The following SLC2A13 variants were observed in gnomAD, a reference collection of about 807,000 sequenced individuals.
SLC2A13 encodes proton myo-inositol cotransporter.
SLC2A13 carries 32 observed loss-of-function variants against 64.4 expected under a neutral mutation model. The observed-to-expected ratio is 0.50, with a 90% CI of 0.37 to 0.67. The LOEUF is 0.67. Ranked by LOEUF, SLC2A13 falls within the 30% of genes least tolerant of loss-of-function variation. SLC2A13 has a pLI of 0.00. For missense variants in SLC2A13, 743 were observed against 829.2 expected (o/e 0.90, Z 1.28); for synonymous variants, 338 against 327.1 (o/e 1.03, Z -0.36).
chr12:39,896,593 CATAT>C (rs1565529040), intron 4 of SLC2A13, among the ~76,000 whole-genome samples: 2 of 150,214 alleles, frequency 1.3e-5, no homozygotes, highest in Non-Finnish European at 3.0e-5. Flanking sequence ...TATATGTATA[CATAT>C]ATGTATGTAT....
chr12:40,057,517 T>A (rs1948350598), intron 1 of SLC2A13, among the ~76,000 whole-genome samples: 1 of 152,202 alleles, frequency 6.6e-6, no homozygotes, highest in African/African-American at 2.4e-5. Context: ...CTCGAGTGTT[T>A]TATTTAATAT....
intron 6 of SLC2A13, among the ~76,000 whole-genome samples, chr12:39,838,953 T>G (rs554850978): frequency 9.9e-5 from 15 of 152,224 alleles, no homozygotes; most frequent in Admixed American, 2.6e-4. Context: ...AGAAAATCAA[T>G]GGTGGCAAAC....
Position 39,934,328 on chromosome 12 carries a change from T to A in SLC2A13, c.1034+16929A>T, listed in dbSNP as rs571871808. ...CCAGCCCAGAACAGGACATATATGG[T>A]GAAAGTTCTAAGTAGAATGCTAATC... is the stretch of plus-strand genomic sequence containing the variant. On this transcript the variant is annotated intron_variant, in intron 4 of 9. Coordinates refer to ENST00000280871, the MANE Select transcript of SLC2A13 (RefSeq NM_052885.4). Among the ~76,000 whole-genome samples, 11 of 152,266 alleles carry A rather than the reference T, an allele frequency of 7.2e-5. No individual in the cohort carries two copies. The East Asian group carries it at 2.1e-3, about 29-fold the overall frequency.
At chr12:39,847,748 G>T (rs1260165534) in intron 6 of SLC2A13, among the ~76,000 whole-genome samples, 1 of 151,888 alleles carries the variant, frequency 6.6e-6, no homozygotes, top group Admixed American at 6.6e-5. Context: ...GTTATTTTGG[G>T]TTCTTCTGTA....
intron 7 of SLC2A13, among the ~76,000 whole-genome samples, chr12:39,799,601 C>T (rs867736406): frequency 6.6e-6 from 1 of 151,966 alleles, no homozygotes; most frequent in African/African-American, 2.4e-5. Context: ...AAATGCAAAC[C>T]AGGGGTTAGC....
At chr12:39,916,131 A>C (rs529454257) in intron 4 of SLC2A13, among the ~76,000 whole-genome samples, 23 of 152,020 alleles carry the variant, frequency 1.5e-4, no homozygotes, top group Admixed American at 3.9e-4. Flanking sequence ...CAAATTGCTA[A>C]GGTGATTATA....
chr12:40,000,077 G>C (rs192358448), intron 3 of SLC2A13, among the ~76,000 whole-genome samples: 96 of 152,208 alleles, frequency 6.3e-4, no homozygotes, highest in Middle Eastern at 3.4e-3. Context: ...GAGATCTGAC[G>C]GTTTTAAAAA....
chr12:39,891,475 T>C (rs1245913723), intron 4 of SLC2A13, among the ~76,000 whole-genome samples: 1 of 152,170 alleles, frequency 6.6e-6, no homozygotes, highest in African/African-American at 2.4e-5. Context: ...GTGATTTATC[T>C]TAAGAAAGCA....
chr12:39,834,948 T>A (rs1258867657), intron 6 of SLC2A13, among the ~76,000 whole-genome samples: 1 of 152,122 alleles, frequency 6.6e-6, no homozygotes, highest in African/African-American at 2.4e-5. Context: ...ATGGCATTTT[T>A]AAAAAGGAAC....
chr12:39,857,456 C>A (rs527430843), intron 6 of SLC2A13, among the ~76,000 whole-genome samples: 14 of 152,178 alleles, frequency 9.2e-5, no homozygotes, highest in Non-Finnish European at 1.8e-4. Context: ...AATCACCCAG[C>A]CTTGCCATTC....
chr12:39,763,157 G>A (rs1166720833), intron 9 of SLC2A13, among the ~76,000 whole-genome samples: 5 of 151,866 alleles, frequency 3.3e-5, no homozygotes, highest in Admixed American at 6.6e-5. Flanking sequence ...TGAATTTATC[G>A]AAAAATTTTA....
chr12:39,786,234 G>C (rs939911706), intron 7 of SLC2A13, among the ~76,000 whole-genome samples: 1 of 152,066 alleles, frequency 6.6e-6, no homozygotes, highest in Non-Finnish European at 1.5e-5. Flanking sequence ...TTGAATCATG[G>C]GGGCTGGTCT....
At chr12:40,009,160 G>A (rs515205) in intron 3 of SLC2A13, among the ~76,000 whole-genome samples, 110,440 of 152,102 alleles carry the variant, frequency 0.73, 40,402 homozygotes, top group East Asian at 0.84. Flanking sequence ...GGCCAGCAGT[G>A]GAGCAGAGAG....
At chr12:40,092,759 G>A (rs1232187041) in intron 1 of SLC2A13, among the ~76,000 whole-genome samples, 1 of 152,170 alleles carries the variant, frequency 6.6e-6, no homozygotes, top group East Asian at 1.9e-4. Flanking sequence ...ACTCACTAAA[G>A]TTTGAAAACT....
intron 7 of SLC2A13, among the ~76,000 whole-genome samples, chr12:39,788,064 C>A (rs1481133874): frequency 1.3e-5 from 2 of 152,100 alleles, no homozygotes; most frequent in African/African-American, 4.8e-5. Flanking sequence ...ATTACTCATA[C>A]TTGTTGTGGG....
intron 3 of SLC2A13, among the ~76,000 whole-genome samples, chr12:39,999,203 T>C (rs1220117167): frequency 6.6e-6 from 1 of 152,106 alleles, no homozygotes; most frequent in Non-Finnish European, 1.5e-5. Flanking sequence ...AACATGTGTG[T>C]TTGAACAATA....
At chr12:39,990,196 T>C (rs4768206) in intron 3 of SLC2A13, among the ~76,000 whole-genome samples, 5,820 of 152,308 alleles carry the variant, frequency 0.038, 220 homozygotes, top group Admixed American at 0.12. Context: ...TTACACATAT[T>C]TATTTACTTC....
In SLC2A13 at chr12:39,755,929, A is replaced by C. The variant is rs1331062217; in HGVS notation, c.*4097T>G. ...TCTTTGATGATTACTGGCACACAAAAATTTCCTTCTCTAAAGAGACAAGAT... is the reference window on the plus strand; with the variant it reads ...TCTTTGATGATTACTGGCACACAAACATTTCCTTCTCTAAAGAGACAAGAT... On this transcript the variant is annotated 3_prime_UTR_variant, in exon 10 of 10. Transcript: ENST00000280871. 5.9e-5 allele frequency: 9 copies of C among 152,024 alleles called. No individual in the cohort carries two copies. The highest frequency in any genetic ancestry group is 2.0e-4 in the Admixed American group (3 of 15,228). The allele number at this position is 152,024 out of a possible 1,614,324, so 9.4% of individuals were successfully genotyped here. A position where few individuals can be genotyped will look rare whatever the true frequency, so the allele number is the denominator to read the frequency against.
intron 4 of SLC2A13, among the ~76,000 whole-genome samples, chr12:39,889,480 T>C (rs963592103): frequency 3.3e-5 from 5 of 151,342 alleles, no homozygotes; most frequent in African/African-American, 1.2e-4. Flanking sequence ...TATACTATTA[T>C]ACAGAGAAAG....
Sources: gnomAD v4.1 joint callset for allele counts (sites outside exome capture counted in the v4.1 genomes callset) on GRCh38, gnomAD v4.1.1 for gene constraint, MANE v1.5 for transcripts, NCBI Gene and HGNC (gene_info 2026-07-23, HGNC 2026-07-21) for gene names.